The following FGD3 variants were observed in gnomAD, a reference collection of about 807,000 sequenced individuals.
FGD3 encodes FYVE, RhoGEF and PH domain containing 3.
Under a neutral mutation model 71.8 loss-of-function variants are expected in FGD3, and 45 were observed. That is an observed-to-expected ratio of 0.63 (90% confidence interval 0.49 to 0.80). The LOEUF (loss-of-function observed/expected upper bound fraction) is 0.80. Among genes scored for constraint, FGD3 ranks in the 30% least tolerant of loss-of-function variants. FGD3 has a pLI of 0.00. For missense variants in FGD3, 844 were observed against 951.5 expected, an observed-to-expected ratio of 0.89 and a Z score of 1.49; for synonymous variants, 378 against 392.8, an observed-to-expected ratio of 0.96 and a Z score of 0.44.
intron 3 of FGD3, among the ~76,000 whole-genome samples, chr9:92,981,164 C>A (rs1463182878): frequency 6.7e-6 from 1 of 150,222 alleles, no homozygotes; most frequent in East Asian, 2.0e-4. Flanking sequence ...GTCAGGAGAT[C>A]GAGACCATCC....
intron 1 of FGD3, among the ~76,000 whole-genome samples, chr9:92,968,253 A>C (rs1165357892): frequency 6.6e-6 from 1 of 152,106 alleles, no homozygotes; most frequent in East Asian, 1.9e-4. Flanking sequence ...ATACAGTCTT[A>C]AACAGTAGAA....
intron 10 of FGD3, among the ~76,000 whole-genome samples, 176 bp downstream of exon 10, chr9:93,016,005 C>T (rs1861668241): frequency 6.6e-6 from 1 of 152,228 alleles, no homozygotes; most frequent in South Asian, 2.1e-4. Context: ...CCTGGTGCCC[C>T]AGGCTGGAAG....
chr9:92,990,284 A>T (rs1350453075), intron 3 of FGD3, among the ~76,000 whole-genome samples: 3 of 152,288 alleles, frequency 2.0e-5, no homozygotes, highest in East Asian at 1.9e-4. Flanking sequence ...CAAAAAAATT[A>T]AAAAGTTAGC....
At chr9:93,004,189 A>T (rs6479445) in intron 5 of FGD3, 52 bp downstream of exon 5, 983,843 of 1,601,860 alleles carry the variant, frequency 0.61, 307,001 homozygotes, top group African/African-American at 0.9. Flanking sequence ...TCTCTAGACC[A>T]GGGTTCATGT....
intron 1 of FGD3, among the ~76,000 whole-genome samples, chr9:92,965,332 G>A (rs909464686): frequency 6.6e-6 from 1 of 152,244 alleles, no homozygotes; most frequent in African/African-American, 2.4e-5. Context: ...CATTCTTGCA[G>A]GGGAGGAAAC....
chr9:93,016,037 G>C (rs923135909), intron 10 of FGD3, among the ~76,000 whole-genome samples: 1 of 152,200 alleles, frequency 6.6e-6, no homozygotes, highest in Non-Finnish European at 1.5e-5. Context: ...ACCCTTCTCT[G>C]CTTGGCCCAC....
At chr9:93,029,792 C>A in intron 14 of FGD3, 82 bp from the exon 15 acceptor site, 1 of 1,535,456 alleles carries the variant, frequency 6.5e-7, no homozygotes, top group Admixed American at 1.7e-5. Flanking sequence ...TTTACAGTCA[C>A]GAGAGCTGCC....
In FGD3 at chr9:93,015,782, G is replaced by C; in HGVS notation, c.1228G>C (p.Gly410Arg). The C allele has an allele frequency of 6.2e-7, 1 of 1,614,132 alleles. No homozygotes were observed. Among genetic ancestry groups the C allele is most frequent in the Non-Finnish European group, 8.5e-7 (1 of 1,180,038 alleles). Residue 410 changes from glycine to arginine, a missense_variant, in exon 10 of 18, where the codon GGC becomes CGC. By Grantham distance (125) the Gly-to-Arg change is moderately radical. Coordinates refer to ENST00000375482, the MANE Select transcript of FGD3 (RefSeq NM_001083536.2). ...LYCVPKLRLM[G>R]QKFSVREKMD... ...CTGTGTGCCCAAGCTGCGGCTCATG[G>C]GCCAGAAGTTCAGCGTCCGGGAGAA...
At chr9:93,010,445 T>C in intron 7 of FGD3, 61 bp downstream of exon 7, 1 of 1,456,666 alleles carries the variant, frequency 6.9e-7, no homozygotes, top group African/African-American at 1.7e-5. Context: ...ACTCTGGGGG[T>C]GGGGAGAGAG....
chr9:93,025,577 C>T (rs756946055), intron 14 of FGD3, among the ~76,000 whole-genome samples: 2 of 152,204 alleles, frequency 1.3e-5, no homozygotes, highest in Non-Finnish European at 2.9e-5. Context: ...TACAGTATAC[C>T]AAACTTCAAC....
chr9:92,977,578 A>G (rs149302607), intron 3 of FGD3, among the ~76,000 whole-genome samples: 4 of 152,258 alleles, frequency 2.6e-5, no homozygotes, highest in East Asian at 3.9e-4. Context: ...AGACGAGGCC[A>G]GGGCTGTGTT....
intron 10 of FGD3, among the ~76,000 whole-genome samples, chr9:93,017,827 G>A (rs569833191): frequency 6.6e-6 from 1 of 152,244 alleles, no homozygotes; most frequent in African/African-American, 2.4e-5. Flanking sequence ...GATGGATGGG[G>A]CGACATGGGG....
At chr9:93,010,215 G>T in intron 6 of FGD3, 31 bp from the exon 7 acceptor site, 1 of 1,581,976 alleles carries the variant, frequency 6.3e-7, no homozygotes, top group Non-Finnish European at 8.6e-7. Flanking sequence ...ACGTGTCCTT[G>T]GAGTGCCCAA....
In FGD3 at chr9:93,013,874, A is replaced by C; in HGVS notation, c.1058A>C (p.Glu353Ala). 6.2e-7 allele frequency: 1 copy of C among 1,612,766 alleles called. No individual in the cohort carries two copies. ...CAGGAGAAAATGCACAAGCTCTTGGAGGTGTACGAGCAGCTGGGTGGGGAA... is the reference window on the plus strand; with the variant it reads ...CAGGAGAAAATGCACAAGCTCTTGGCGGTGTACGAGCAGCTGGGTGGGGAA... Reference protein sequence around the residue: ...RKVEKMHKLLEVYEQLGGEED... With the variant: ...RKVEKMHKLLAVYEQLGGEED... Residue 353 changes from glutamate to alanine, a missense_variant, in exon 9 of 18, where the codon GAG becomes GCG. Physicochemically the swap from Glu to Ala is moderately radical, Grantham distance 107. Coordinates refer to ENST00000375482, the MANE Select transcript of FGD3 (RefSeq NM_001083536.2).
Position 93,035,561 on chromosome 9 carries a change from A to G in FGD3, c.2150A>G (p.Gln717Arg), listed in dbSNP as rs1412994685. ...AQDSPGALQL[Q>R]VPMGAAAP ...GACAGCCCGGGGGCCCTGCAGCTTC[A>G]GGTCCCTATGGGCGCAGCTGCTCCG... is the stretch of plus-strand genomic sequence containing the variant. Residue 717 changes from glutamine (Q) to arginine (R), a missense_variant, in exon 18 of 18, where the codon CAG (glutamine) becomes CGG (arginine). Transcript: ENST00000375482. 1 of 1,600,636 alleles carries G rather than the reference A, an allele frequency of 6.2e-7. No homozygotes were observed. Among genetic ancestry groups the G allele is most frequent in the Admixed American group, 1.7e-5 (1 of 59,840 alleles).
chr9:92,990,309 C>T (rs948256733), intron 3 of FGD3, among the ~76,000 whole-genome samples: 8 of 152,022 alleles, frequency 5.3e-5, no homozygotes, highest in African/African-American at 1.4e-4. Context: ...TATGGTGGTG[C>T]GGGCAACAAG....
At chr9:92,968,336 T>C (rs1159808696) in intron 1 of FGD3, among the ~76,000 whole-genome samples, 1 of 151,598 alleles carries the variant, frequency 6.6e-6, no homozygotes, top group Non-Finnish European at 1.5e-5. Flanking sequence ...AACGGGGAGG[T>C]GCTGCGTTGA....
At chr9:93,015,543 TAAAG>T (rs1311242878) in intron 9 of FGD3, 190 bp from the exon 10 acceptor site, 3 of 433,094 alleles carry the variant, frequency 6.9e-6, no homozygotes, top group Non-Finnish European at 1.2e-5. Flanking sequence ...TGAACAAAAA[TAAAG>T]CTAGCGACTA....
In FGD3 at chr9:93,019,834, A is replaced by G; in HGVS notation, c.1359A>G (p.Thr453=). 2 of 1,614,060 alleles carry G rather than the reference A, an allele frequency of 1.2e-6. No individual in the cohort carries two copies. The highest frequency in any genetic ancestry group is 1.3e-5 in the African/African-American group (1 of 75,074). The change falls in exon 12 of 18, where the codon ACA becomes ACG. Residue 453 remains threonine (T), a synonymous_variant. Coordinates refer to ENST00000375482, the MANE Select transcript of FGD3 (RefSeq NM_001083536.2). ...CAAGACCGTTTTGGTTTTTTAGGAC[A>G]GAGGAAGAGAAGAAAGAATGGATTC... ...RKRSLELQTR[T]EEEKKEWIQI... is the part of the protein sequence containing the mutation.
Sources: gnomAD v4.1 joint callset for allele counts (sites outside exome capture counted in the v4.1 genomes callset) on GRCh38, gnomAD v4.1.1 for gene constraint, MANE v1.5 for transcripts, NCBI Gene and HGNC (gene_info 2026-07-23, HGNC 2026-07-21) for gene names.